The following PDE10A variants were observed in gnomAD, a reference collection of about 807,000 sequenced individuals.
The protein encoded by PDE10A is phosphodiesterase 10A, also known as cAMP and cAMP-inhibited cGMP 3',5'-cyclic phosphodiesterase 10A.
Under a neutral mutation model 97.7 loss-of-function variants are expected in PDE10A, and 39 were observed. That is an observed-to-expected ratio of 0.40 (90% confidence interval 0.31 to 0.52). The LOEUF is 0.52. PDE10A is among the 20% of genes least tolerant of loss of function. The probability of loss-of-function intolerance (pLI) is 0.56; values close to 1 mark genes in which losing one functional copy is unlikely to be tolerated. For missense variants in PDE10A, 731 were observed against 1,047.8 expected (o/e 0.70, Z 4.17); for synonymous variants, 371 against 376.8 (o/e 0.98, Z 0.18).
intron 3 of PDE10A, among the ~76,000 whole-genome samples, chr6:165,467,437 A>C (rs1778721356): frequency 6.6e-6 from 1 of 152,196 alleles, no homozygotes; most frequent in African/African-American, 2.4e-5. Context: ...TATTAGTGAC[A>C]AATGCTGCTG....
At chr6:165,477,096 C>G (rs1430848428) in intron 3 of PDE10A, among the ~76,000 whole-genome samples, 3 of 152,024 alleles carry the variant, frequency 2.0e-5, no homozygotes, top group Non-Finnish European at 4.4e-5. Flanking sequence ...CCCTCAAATC[C>G]CCCCCAGCGG....
At chr6:165,844,787 C>A (rs190995102) in intron 1 of PDE10A, among the ~76,000 whole-genome samples, 3 of 152,274 alleles carry the variant, frequency 2.0e-5, no homozygotes, top group African/African-American at 7.2e-5. Flanking sequence ...ATAATACCAG[C>A]ATCATTGGGT....
rs1344525879 is a variant in PDE10A, at chr6:165,418,805, A to G, written c.1654-28T>C. On this transcript the variant is annotated intron_variant, in intron 10 of 21. Transcript: ENST00000539869. The surrounding 1 kb of genome is among the most constrained non-coding windows in gnomAD (Gnocchi z 4.8). ...AAAGACAAATGACAAAATAAGAGGA[A>G]GACAATGAGACATTCAAAGAACTTG... 1.3e-6 allele frequency: 2 copies of G among 1,590,106 alleles called. No homozygotes were observed.
At chr6:165,533,489 A>G (rs564526300) in intron 2 of PDE10A, among the ~76,000 whole-genome samples, 2 of 152,304 alleles carry the variant, frequency 1.3e-5, no homozygotes, top group South Asian at 4.1e-4. Flanking sequence ...CACAGAAAAG[A>G]TATGGCATTA....
Position 165,643,169 on chromosome 6 carries a change from T to C in PDE10A, c.865+18778A>G, listed in dbSNP as rs139418575. Among the ~76,000 whole-genome samples, 6 of 151,986 alleles carry C rather than the reference T, an allele frequency of 3.9e-5. No homozygotes were observed. The East Asian group carries it at 1.2e-3, about 29-fold the overall frequency. ...GTTCTAAGATAGATGGGAGGACGGA[T>C]GGTGGGTAGATGTATGGGTGGATGC... On this transcript the variant is annotated intron_variant, in intron 1 of 21. Coordinates refer to ENST00000539869, the MANE Select transcript of PDE10A (RefSeq NM_001385079.1).
intron 1 of PDE10A, among the ~76,000 whole-genome samples, chr6:165,776,399 C>T (rs1408989100): frequency 6.6e-6 from 1 of 152,166 alleles, no homozygotes; most frequent in Non-Finnish European, 1.5e-5. Flanking sequence ...AATCATTGGC[C>T]ATTTTTGCTT....
At chr6:165,572,587 T>C (rs1785099664) in intron 1 of PDE10A, among the ~76,000 whole-genome samples, 1 of 152,224 alleles carries the variant, frequency 6.6e-6, no homozygotes, top group Admixed American at 6.5e-5. Context: ...GCTTCCTTGG[T>C]GACAAAAATG....
intron 1 of PDE10A, among the ~76,000 whole-genome samples, chr6:165,846,265 T>C (rs1213298399): frequency 5.3e-5 from 8 of 152,222 alleles, no homozygotes; most frequent in African/African-American, 1.9e-4. Context: ...TTGTGCTTTA[T>C]AGACCCAGGA....
At chr6:165,941,900 C>G (rs559660584) in intron 1 of PDE10A, among the ~76,000 whole-genome samples, 26 of 152,272 alleles carry the variant, frequency 1.7e-4, no homozygotes, top group African/African-American at 5.5e-4. Context: ...GCCATTTCAC[C>G]TTTCTTTAAG....
At chr6:165,563,262 G>A (rs1784613759) in intron 1 of PDE10A, among the ~76,000 whole-genome samples, 1 of 150,676 alleles carries the variant, frequency 6.6e-6, no homozygotes, top group Non-Finnish European at 1.5e-5. Flanking sequence ...GAGGGAGGGA[G>A]GAAGGAGGGA....
intron 1 of PDE10A, among the ~76,000 whole-genome samples, chr6:165,686,385 G>A (rs186427738): frequency 6.6e-6 from 1 of 152,170 alleles, no homozygotes; most frequent in Admixed American, 6.5e-5. Context: ...AGGCTTCCCC[G>A]TTCTCCTCTT....
intron 1 of PDE10A, among the ~76,000 whole-genome samples, chr6:165,956,266 C>T (rs1784132145): frequency 6.6e-6 from 1 of 152,146 alleles, no homozygotes; most frequent in South Asian, 2.1e-4. Flanking sequence ...AACCCAAATA[C>T]TATTATTTAT....
chr6:165,430,209 G>C (rs1381771945), intron 9 of PDE10A, 78 bp downstream of exon 9: 5 of 960,146 alleles, frequency 5.2e-6, no homozygotes, highest in Non-Finnish European at 8.2e-6. Flanking sequence ...ATAGACAATG[G>C]TCTATTTCTG....
At chr6:165,600,054 C>G (rs864346) in intron 1 of PDE10A, among the ~76,000 whole-genome samples, 65,271 of 151,956 alleles carry the variant, frequency 0.43, 16,216 homozygotes, top group African/African-American at 0.68. Context: ...ACAGTCCGAC[C>G]GGGGAATCCT....
At chr6:165,411,705 A>G (rs1396502967) in intron 13 of PDE10A, among the ~76,000 whole-genome samples, 1 of 152,234 alleles carries the variant, frequency 6.6e-6, no homozygotes, top group Non-Finnish European at 1.5e-5. Context: ...TACAAACTGA[A>G]TCATTTAGGA....
chr6:165,880,580 C>T (rs1781446272), intron 1 of PDE10A, among the ~76,000 whole-genome samples: 1 of 152,128 alleles, frequency 6.6e-6, no homozygotes, highest in Non-Finnish European at 1.5e-5. Flanking sequence ...ATTTTTCTAC[C>T]CAAATGAGCC....
chr6:165,439,230 CAT>C (rs1455497216), intron 5 of PDE10A, among the ~76,000 whole-genome samples: 2 of 152,118 alleles, frequency 1.3e-5, no homozygotes, highest in African/African-American at 4.8e-5. Context: ...GGCTCTTATA[CAT>C]ATGTTTACAA....
At chr6:165,923,358 A>C (rs1232294373) in intron 1 of PDE10A, among the ~76,000 whole-genome samples, 1 of 152,260 alleles carries the variant, frequency 6.6e-6, no homozygotes, top group East Asian at 1.9e-4. Flanking sequence ...AACAAGGCCT[A>C]TTCCAGGTGT....
rs555123141 is a variant in PDE10A, at chr6:165,368,242, T to G, written c.2783+10952A>C. On this transcript the variant is annotated intron_variant, in intron 18 of 21. Coordinates refer to ENST00000539869, the MANE Select transcript of PDE10A (RefSeq NM_001385079.1). ...AACTCCCGGCCTCAAGTGATCAGCCTGGCTTGGCATCCCAAAGTGCTGGGA... is the reference window on the plus strand; with the variant it reads ...AACTCCCGGCCTCAAGTGATCAGCCGGGCTTGGCATCCCAAAGTGCTGGGA... Among the ~76,000 whole-genome samples the G allele has an allele frequency of 2.0e-5, 3 of 152,350 alleles. No homozygotes were observed. The South Asian group carries it at 6.2e-4, about 32-fold the overall frequency.
Sources: allele counts gnomAD v4.1 joint callset (sites outside exome capture counted in the v4.1 genomes callset), GRCh38; gene constraint gnomAD v4.1.1; non-coding constraint Gnocchi (gnomAD v3.1); transcripts MANE v1.5; gene names NCBI Gene and HGNC (gene_info 2026-07-23, HGNC 2026-07-21).